The following ERCC6L2 variants were observed in gnomAD, a reference collection of about 807,000 sequenced individuals.
ERCC6L2 encodes DNA excision repair protein ERCC-6-like 2.
In ERCC6L2, 77 loss-of-function variants were observed where a neutral mutation model predicts 132.0. The observed-to-expected ratio is 0.58, with a 90% confidence interval of 0.49 to 0.71. ERCC6L2 has a LOEUF of 0.71. Among genes scored for constraint, ERCC6L2 ranks in the 30% least tolerant of loss-of-function variants. The probability of loss-of-function intolerance (pLI) is 0.00; values close to 1 mark genes in which losing one functional copy is unlikely to be tolerated. For synonymous variants in ERCC6L2, 583 were observed against 632.4 expected (o/e 0.92, Z 1.17); for missense variants, 1,542 against 1,837.6 (o/e 0.84, Z 2.94).
chr9:95,966,677 G>C lies in ERCC6L2; in HGVS notation c.2063G>C (p.Arg688Thr). Residue 688 changes from arginine (R) to threonine (T), a missense_variant, in exon 14 of 19, where the codon AGG (arginine) becomes ACG (threonine). Arg to Thr is a moderately conservative substitution (Grantham distance 71). Coordinates refer to ENST00000653738, the MANE Select transcript of ERCC6L2 (RefSeq NM_020207.7). Reference protein sequence around the residue: ...LFGIHNLFKFRSQGSCLTKDI... With the variant: ...LFGIHNLFKFTSQGSCLTKDI... ...GGGATCCATAACCTCTTCAAATTTA[G>C]GTCCCAAGGGTCTTGTCTTACGAAG... is the stretch of plus-strand genomic sequence containing the variant. The C allele has an allele frequency of 6.6e-7, 1 of 1,504,274 alleles. No homozygotes were observed. The highest frequency in any genetic ancestry group is 9.0e-7 in the Non-Finnish European group (1 of 1,106,460). 93.2% of individuals were successfully genotyped at this position (1,504,274 alleles called of 1,614,324 possible). A position where few individuals can be genotyped will look rare whatever the true frequency, so the allele number is the denominator to read the frequency against.
In ERCC6L2 at chr9:95,928,758, C is replaced by T. The variant is rs748427059; in HGVS notation, c.1645C>T (p.Leu549Phe). 4 of 1,613,278 alleles carry T rather than the reference C, an allele frequency of 2.5e-6. No homozygotes were observed. In the Admixed American group the frequency reaches 5.0e-5, roughly 20 times the overall value. ...ACAGCAGTACTGTATGGCGTCTGGG[C>T]TTGATTACCGACGACTTGATGGAAG... ...VLQQYCMASG[L>F]DYRRLDGSTK... The change falls in exon 11 of 19, where the codon CTT (leucine) becomes TTT (phenylalanine). Residue 549 changes from leucine (L) to phenylalanine (F), a missense_variant. Transcript: ENST00000653738.
chr9:96,024,975 C>G (rs2943532), intron 19 of ERCC6L2, among the ~76,000 whole-genome samples: 43,027 of 152,024 alleles, frequency 0.28, 6,298 homozygotes, highest in East Asian at 0.39. Context: ...CCAAGACTTC[C>G]AGAGTTGACC....
At chr9:95,909,232 A>G (rs946955114) in intron 4 of ERCC6L2, among the ~76,000 whole-genome samples, 1 of 152,128 alleles carries the variant, frequency 6.6e-6, no homozygotes, top group African/African-American at 2.4e-5. Context: ...TTTGGGCCAC[A>G]TATAGTCTCG....
At chr9:96,034,450 C>A (rs1305222546) in intron 19 of ERCC6L2, among the ~76,000 whole-genome samples, 1 of 152,234 alleles carries the variant, frequency 6.6e-6, no homozygotes, top group East Asian at 1.9e-4. Flanking sequence ...TGAACTCTTG[C>A]TTTTACAGCT....
chr9:96,023,185 C>T (rs1834318244), downstream of ERCC6L2, among the ~76,000 whole-genome samples: 1 of 152,132 alleles, frequency 6.6e-6, no homozygotes, highest in Non-Finnish European at 1.5e-5. Context: ...CACTCCATGG[C>T]CTAGATAAGA....
intron 11 of ERCC6L2, among the ~76,000 whole-genome samples, chr9:95,933,299 C>T (rs937544630): frequency 1.3e-5 from 2 of 151,962 alleles, no homozygotes; most frequent in African/African-American, 4.8e-5. Context: ...TTTTTTAATC[C>T]TTTCTAATAC....
At chr9:95,907,025 G>A in intron 3 of ERCC6L2, 53 bp from the exon 4 acceptor site, 1 of 1,278,842 alleles carries the variant, frequency 7.8e-7, no homozygotes, top group Middle Eastern at 2.6e-4. Flanking sequence ...TTTCACTTTG[G>A]GATTCTTTTT....
intron 16 of ERCC6L2, among the ~76,000 whole-genome samples, chr9:95,973,622 A>G (rs933435369): frequency 1.6e-4 from 24 of 151,976 alleles, no homozygotes; most frequent in Admixed American, 1.3e-4. Context: ...ATCAGATCTC[A>G]TGAGACTTAT....
chr9:95,910,541 C>T (rs1829294379), intron 4 of ERCC6L2, among the ~76,000 whole-genome samples: 1 of 152,122 alleles, frequency 6.6e-6, no homozygotes, highest in Non-Finnish European at 1.5e-5. Flanking sequence ...GAGTCTTATG[C>T]TTACTGCATG....
chr9:95,907,346 T>G (rs1829094253), intron 4 of ERCC6L2, 75 bp downstream of exon 4: 3 of 1,142,834 alleles, frequency 2.6e-6, no homozygotes, highest in Non-Finnish European at 1.2e-6. Flanking sequence ...GAGTTTTTTT[T>G]TTTTTTTTTT....
intron 3 of ERCC6L2, among the ~76,000 whole-genome samples, chr9:95,899,163 G>A (rs1828624800): frequency 6.6e-6 from 1 of 151,978 alleles, no homozygotes; most frequent in East Asian, 1.9e-4. Context: ...TATAGAACAA[G>A]AATGGGCCAG....
chr9:95,988,074 C>T (rs568760011), intron 17 of ERCC6L2, among the ~76,000 whole-genome samples: 1 of 152,314 alleles, frequency 6.6e-6, no homozygotes, highest in South Asian at 2.1e-4. Flanking sequence ...TACCATTTTT[C>T]TACGAAACCA....
At position 95,880,920 on chromosome 9, in the gene ERCC6L2, A is replaced by G; in HGVS notation, c.98A>G (p.Lys33Arg). The change falls in exon 2 of 19, where the codon AAA becomes AGA. Residue 33 changes from lysine (K) to arginine (R), a missense_variant. Transcript: ENST00000653738. ...RCLAPSPDNG[K>R]LCEASIKSIT... ...CTTGCCCCTTCTCCAGATAATGGAAAACTTTGTGAAGCAAGCATAAAATCT... is the reference window on the plus strand; with the variant it reads ...CTTGCCCCTTCTCCAGATAATGGAAGACTTTGTGAAGCAAGCATAAAATCT... 1 of 1,613,686 alleles carries G rather than the reference A, an allele frequency of 6.2e-7. No individual in the cohort carries two copies. The highest frequency in any genetic ancestry group is 8.5e-7 in the Non-Finnish European group (1 of 1,179,772).
At chr9:95,888,711 C>A (rs1828004490) in intron 2 of ERCC6L2, among the ~76,000 whole-genome samples, 1 of 152,142 alleles carries the variant, frequency 6.6e-6, no homozygotes, top group Admixed American at 6.5e-5. Context: ...AATCTCCTTG[C>A]ATGTCAGTGG....
chr9:95,907,894 G>C (rs1318965140), intron 4 of ERCC6L2, among the ~76,000 whole-genome samples: 1 of 75,820 alleles, frequency 1.3e-5, no homozygotes, highest in Non-Finnish European at 2.8e-5. Flanking sequence ...TAGAGTGTGA[G>C]GGAGAAGTGG....
chr9:95,972,176 A>G lies in ERCC6L2; in HGVS notation c.2425A>G (p.Ser809Gly). 1 of 1,304,284 alleles carries G rather than the reference A, an allele frequency of 7.7e-7. No homozygotes were observed. The highest frequency in any genetic ancestry group is 1.0e-6 in the Non-Finnish European group (1 of 988,950). The allele number at this position is 1,304,284 out of a possible 1,614,324, so 80.8% of individuals were successfully genotyped here. A position where few individuals can be genotyped will look rare whatever the true frequency, so the allele number is the denominator to read the frequency against. Residue 809 changes from serine to glycine, a missense_variant, in exon 16 of 19, where the codon AGT (serine) becomes GGT (glycine). Physicochemically the swap from Ser to Gly is moderately conservative, Grantham distance 56. Transcript: ENST00000653738. ...LETKCKAVED[S>G]DGNTASDDES... ...AACAAAATGTAAAGCAGTTGAGGAT[A>G]GTGATGGAAATACTGCCTCTGATGA...
At chr9:95,947,070 C>A (rs941946603) in intron 12 of ERCC6L2, among the ~76,000 whole-genome samples, 2 of 152,154 alleles carry the variant, frequency 1.3e-5, no homozygotes, top group Non-Finnish European at 2.9e-5. Flanking sequence ...GGAAGAGTTG[C>A]ATGTCTCTCA....
intron 4 of ERCC6L2, among the ~76,000 whole-genome samples, chr9:95,909,246 G>C (rs924109636): frequency 5.3e-5 from 8 of 152,110 alleles, no homozygotes; most frequent in African/African-American, 1.9e-4. Flanking sequence ...AGTCTCGGTT[G>C]CATATTCTTC....
At chr9:96,009,098 A>G (rs1317911904) in intron 18 of ERCC6L2, among the ~76,000 whole-genome samples, 2 of 152,250 alleles carry the variant, frequency 1.3e-5, no homozygotes, top group African/African-American at 2.4e-5. Flanking sequence ...TGTTGCAATC[A>G]GCATTGTGAA....
Sources: allele counts gnomAD v4.1 joint callset (sites outside exome capture counted in the v4.1 genomes callset), GRCh38; gene constraint gnomAD v4.1.1; transcripts MANE v1.5; gene names NCBI Gene and HGNC (gene_info 2026-07-23, HGNC 2026-07-21).